The following SLC45A4 variants were observed in gnomAD, a reference collection of about 807,000 sequenced individuals.
SLC45A4 encodes solute carrier family 45 member 4, also known as polyamine-transporter SLC45A4.
SLC45A4 carries 32 observed loss-of-function variants against 63.7 expected under a neutral mutation model. The observed-to-expected ratio is 0.50, with a 90% CI of 0.38 to 0.67. The LOEUF is 0.67. SLC45A4 is among the 30% of genes least tolerant of loss of function. The probability of loss-of-function intolerance (pLI) is 0.00; values close to 1 mark genes in which losing one functional copy is unlikely to be tolerated. For missense variants in SLC45A4, 1,027 were observed against 1,157.7 expected (o/e 0.89, Z 1.64); for synonymous variants, 535 against 510.0 (o/e 1.05, Z -0.66).
chr8:141,226,778 G>A (rs1208524075), intron 2 of SLC45A4: 1 of 152,274 alleles, frequency 6.6e-6, no homozygotes, highest in Non-Finnish European at 1.5e-5. Context: ...CCAATAGGAA[G>A]TCAGCGACTC....
intron 6 of SLC45A4, 149 bp downstream of exon 6, chr8:141,216,941 T>A: frequency 1.4e-6 from 1 of 714,772 alleles, no homozygotes; most frequent in South Asian, 1.9e-5. Context: ...TTTCGATGCT[T>A]CTCCCCAAGG....
chr8:141,254,355 A>G lies in SLC45A4; in HGVS notation c.-126T>C. The stretch of plus-strand genomic sequence containing the variant: ...CTGCTGTGTTCCTCGGGCAGGTAAC[A>G]CTTACATTCCTCTTTGCACAAGTGG... On this transcript the variant is annotated 5_prime_UTR_variant, in exon 2 of 9. Transcript: ENST00000517878. This position sits in a 1 kb window ranked among gnomAD's most constrained non-coding sequence, Gnocchi z 4.5. 1 of 1,115,454 alleles carries G rather than the reference A, an allele frequency of 9.0e-7. No individual in the cohort carries two copies. The highest frequency in any genetic ancestry group is 1.2e-6 in the Non-Finnish European group (1 of 805,194). 69.1% of individuals were successfully genotyped at this position (1,115,454 alleles called of 1,614,324 possible).
chr8:141,252,377 G>A (rs1207824313), intron 2 of SLC45A4: 1 of 166,018 alleles, frequency 6.0e-6, no homozygotes, highest in East Asian at 1.9e-4. Flanking sequence ...TAATTTCCGT[G>A]TTTTCACGCC....
intron 2 of SLC45A4, among the ~76,000 whole-genome samples, chr8:141,223,400 C>A (rs1376830038): frequency 6.6e-6 from 1 of 152,192 alleles, no homozygotes; most frequent in East Asian, 1.9e-4. Flanking sequence ...ATCAGGAAGC[C>A]TATTTCTCAG....
At chr8:141,285,635 G>A (rs2154615181) in intron 1 of SLC45A4, among the ~76,000 whole-genome samples, 1 of 152,308 alleles carries the variant, frequency 6.6e-6, no homozygotes, top group Non-Finnish European at 1.5e-5. Flanking sequence ...TTCCCAAAGA[G>A]ACGCGCACCC....
At chr8:141,224,351 CTT>C (rs1826847891) in intron 2 of SLC45A4, 1 of 152,232 alleles carries the variant, frequency 6.6e-6, no homozygotes, top group South Asian at 2.1e-4. Flanking sequence ...CCTGGTTGGG[CTT>C]TCTGGAGCTT....
rs770831783 is a variant in SLC45A4 at position 141,218,240 on chromosome 8, T to G, written c.1400A>C (p.Gln467Pro). 6.2e-7 allele frequency: 1 copy of G among 1,601,682 alleles called. No individual in the cohort carries two copies. Among genetic ancestry groups the G allele is most frequent in the Non-Finnish European group, 8.5e-7 (1 of 1,179,584 alleles). Residue 467 changes from glutamine (Q) to proline (P), a missense_variant, in exon 5 of 9, where the codon CAG (glutamine) becomes CCG (proline). Coordinates refer to ENST00000517878, the MANE Select transcript of SLC45A4 (RefSeq NM_001286646.2). ...CCCGCTCTGGTTCCGGTGCCGGTGCTGCCGCTGCCGCTTCTGCATGTCGTA... is the reference window on the plus strand; with the variant it reads ...CCCGCTCTGGTTCCGGTGCCGGTGCGGCCGCTGCCGCTTCTGCATGTCGTA... ...DLYDMQKRQR[Q>P]HRHRNQSGAT...
chr8:141,213,610 G>A (rs1825964878), intron 7 of SLC45A4, among the ~76,000 whole-genome samples: 1 of 152,210 alleles, frequency 6.6e-6, no homozygotes, highest in African/African-American at 2.4e-5. Context: ...GCAAATATTA[G>A]CCTGGAAATC....
At chr8:141,222,647 C>T (rs1826719701) in intron 2 of SLC45A4, among the ~76,000 whole-genome samples, 12 of 152,250 alleles carry the variant, frequency 7.9e-5, no homozygotes, top group Admixed American at 7.2e-4. Context: ...TGTCGGCAGT[C>T]ACAAGCACCA....
At chr8:141,258,230 G>A (rs1828892122) in intron 1 of SLC45A4, among the ~76,000 whole-genome samples, 1 of 152,100 alleles carries the variant, frequency 6.6e-6, no homozygotes, top group Non-Finnish European at 1.5e-5. Context: ...CTCTCTAACA[G>A]GAAAGAAGGC....
At chr8:141,270,088 T>C (rs1311245198) in intron 1 of SLC45A4, among the ~76,000 whole-genome samples, 1 of 152,126 alleles carries the variant, frequency 6.6e-6, no homozygotes, top group African/African-American at 2.4e-5. Flanking sequence ...CCTTGCCTCC[T>C]GCCCCACAGA....
At chr8:141,277,290 T>C (rs1359764121) in intron 1 of SLC45A4, among the ~76,000 whole-genome samples, 1 of 152,232 alleles carries the variant, frequency 6.6e-6, no homozygotes. Context: ...GAAAGGACCA[T>C]CATGGGCTAC....
At chr8:141,221,819 C>A in intron 2 of SLC45A4, 54 bp from the exon 3 acceptor site, 1 of 1,582,294 alleles carries the variant, frequency 6.3e-7, no homozygotes, top group Non-Finnish European at 8.6e-7. Context: ...GGCTCTGCCA[C>A]AGTTTTCCTG....
At chr8:141,236,971 G>A (rs764432254) in intron 2 of SLC45A4, among the ~76,000 whole-genome samples, 13 of 152,122 alleles carry the variant, frequency 8.5e-5, no homozygotes, top group Non-Finnish European at 1.9e-4. Flanking sequence ...AAACACATTT[G>A]TGCTGTTTTG....
chr8:141,243,827 T>A (rs578153105), intron 2 of SLC45A4, among the ~76,000 whole-genome samples: 1 of 152,260 alleles, frequency 6.6e-6, no homozygotes, highest in East Asian at 1.9e-4. Flanking sequence ...ACATAATGAA[T>A]AGGAAATACA....
At chr8:141,291,786 C>G (rs1457006187) in intron 1 of SLC45A4, among the ~76,000 whole-genome samples, 1 of 152,214 alleles carries the variant, frequency 6.6e-6, no homozygotes, top group Non-Finnish European at 1.5e-5. Flanking sequence ...GTTGTGAACC[C>G]TCTGTATAGG....
Position 141,256,841 on chromosome 8 carries a change from A to G in SLC45A4, c.-400-2212T>C, listed in dbSNP as rs1389891196. The G allele has an allele frequency of 2.9e-6, 1 of 341,628 alleles. No homozygotes were observed. Among genetic ancestry groups the G allele is most frequent in the East Asian group, 7.6e-5 (1 of 13,142 alleles). The allele number at this position is 341,628 out of a possible 1,614,324, so 21.2% of individuals were successfully genotyped here. A position where few individuals can be genotyped will look rare whatever the true frequency, so the allele number is the denominator to read the frequency against. On this transcript the variant is annotated intron_variant, in intron 1 of 8. Coordinates refer to ENST00000517878, the MANE Select transcript of SLC45A4 (RefSeq NM_001286646.2). The surrounding 1 kb of genome is among the most constrained non-coding windows in gnomAD (Gnocchi z 4.3). ...GTCACCTTACTGCAATATTTTTTCA[A>G]AAAACTGTGTAATGAAACTTTTTTT... is the stretch of plus-strand genomic sequence containing the variant.
chr8:141,219,537 C>T, intron 4 of SLC45A4, 113 bp downstream of exon 4: 1 of 1,315,756 alleles, frequency 7.6e-7, no homozygotes, highest in Non-Finnish European at 1.0e-6. Flanking sequence ...ACTGCCTCAA[C>T]CCTCCATGCA....
chr8:141,271,605 C>G (rs562830659), intron 1 of SLC45A4, among the ~76,000 whole-genome samples: 4 of 152,296 alleles, frequency 2.6e-5, no homozygotes, highest in African/African-American at 7.2e-5. Flanking sequence ...CTTCCTGACC[C>G]CATTTCAGAA....
Sources: gnomAD v4.1 joint callset for allele counts (sites outside exome capture counted in the v4.1 genomes callset) on GRCh38, gnomAD v4.1.1 for gene constraint, Gnocchi (gnomAD v3.1) non-coding constraint, MANE v1.5 for transcripts, NCBI Gene and HGNC (gene_info 2026-07-23, HGNC 2026-07-21) for gene names.